The following ATP6V0A2 variants were observed in gnomAD, a reference collection of about 807,000 sequenced individuals.
The protein encoded by ATP6V0A2 is ATPase H+ transporting V0 subunit a2, also known as V-type proton ATPase 116 kDa subunit a 2.
A neutral mutation model predicts 104.4 loss-of-function variants in ATP6V0A2; 58 were observed. The ratio of observed to expected loss-of-function variants is 0.56; its 90% CI spans 0.45 to 0.69. The LOEUF (loss-of-function observed/expected upper bound fraction) is 0.69. ATP6V0A2 is among the 30% of genes least tolerant of loss of function. The pLI, the probability that ATP6V0A2 is intolerant of heterozygous loss-of-function variation, is 0.00. For missense variants in ATP6V0A2, 938 were observed against 1,062.9 expected (o/e 0.88, Z 1.63); for synonymous variants, 376 against 397.9 (o/e 0.95, Z 0.65).
Position 123,712,587 on chromosome 12 carries a change from G to A in ATP6V0A2, c.22G>A (p.Glu8Lys), listed in dbSNP as rs1483553812. 1.3e-6 allele frequency: 2 copies of A among 1,599,286 alleles called. No individual in the cohort carries two copies. Among genetic ancestry groups the A allele is most frequent in the Admixed American group, 1.7e-5 (1 of 58,610 alleles). The change falls in exon 1 of 20, where the codon GAG becomes AAG. Residue 8 changes from glutamate (E) to lysine (K), a missense_variant. Physicochemically the swap from Glu to Lys is moderately conservative, Grantham distance 56 (BLOSUM62 1). Coordinates refer to ENST00000330342, the MANE Select transcript of ATP6V0A2 (RefSeq NM_012463.4). MGSLFRS[E>K]TMCLAQLFLQ... is the part of the protein sequence containing the mutation. Reference sequence around the variant, plus strand: ...CGCCATGGGGTCCCTGTTCCGGAGCGAGACCATGTGCCTGGCGCAGCTCTT... The same window carrying A: ...CGCCATGGGGTCCCTGTTCCGGAGCAAGACCATGTGCCTGGCGCAGCTCTT...
At position 123,752,318 on chromosome 12, in the gene ATP6V0A2, A is replaced by G. The variant is rs1007072882; in HGVS notation, c.2091A>G (p.Glu697=). 6.8e-6 allele frequency: 11 copies of G among 1,614,108 alleles called. No individual in the cohort carries two copies. The highest frequency in any genetic ancestry group is 9.3e-6 in the Non-Finnish European group (11 of 1,180,030). Residue 697 remains glutamate (E), a synonymous_variant, in exon 17 of 20, where the codon GAA becomes GAG. Coordinates refer to ENST00000330342, the MANE Select transcript of ATP6V0A2 (RefSeq NM_012463.4). ...GYTLIRKDSE[E]EVSLLGSQDI... is the part of the protein sequence containing the mutation. ...CACTTATAAGGAAAGATAGTGAGGAAGAAGTTTCATTGCTGGGAAGCCAAG... is the reference window on the plus strand; with the variant it reads ...CACTTATAAGGAAAGATAGTGAGGAGGAAGTTTCATTGCTGGGAAGCCAAG...
intron 9 of ATP6V0A2, among the ~76,000 whole-genome samples, chr12:123,742,866 A>T (rs1197412492): frequency 6.6e-6 from 1 of 152,112 alleles, no homozygotes; most frequent in Non-Finnish European, 1.5e-5. Context: ...TTTTGACCAG[A>T]AAATCTACTA....
intron 9 of ATP6V0A2, among the ~76,000 whole-genome samples, chr12:123,737,928 A>G (rs1050399564): frequency 3.3e-5 from 5 of 151,858 alleles, no homozygotes; most frequent in African/African-American, 7.2e-5. Flanking sequence ...TGTGCATACC[A>G]TGGTTTATTT....
intron 18 of ATP6V0A2, chr12:123,756,209 GA>G (rs1482654580): frequency 6.6e-6 from 1 of 151,264 alleles, no homozygotes; most frequent in Non-Finnish European, 1.5e-5. Context: ...TTTTCCCATG[GA>G]TTAATAGGGA....
chr12:123,751,110 G>A lies in ATP6V0A2; in HGVS notation c.1936G>A (p.Glu646Lys). The A allele has an allele frequency of 6.2e-7, 1 of 1,614,152 alleles. No homozygotes were observed. The highest frequency in any genetic ancestry group is 2.2e-5 in the East Asian group (1 of 44,876). The change falls in exon 16 of 20, where the codon GAG becomes AAG. Residue 646 changes from glutamate (E) to lysine (K), a missense_variant and splice_region_variant. Glu to Lys is a moderately conservative substitution (Grantham distance 56). Coordinates refer to ENST00000330342, the MANE Select transcript of ATP6V0A2 (RefSeq NM_012463.4). ...GGTTTCTCACCTTCTGCACTAACAG[G>A]AGTATGTCCAGAGAGTGCTGCTGGT... The part of the protein sequence containing the change: ...SKTSGLYTGQ[E>K]YVQRVLLVVT...
At chr12:123,729,576 C>G (rs1956481387) in intron 6 of ATP6V0A2, among the ~76,000 whole-genome samples, 1 of 151,998 alleles carries the variant, frequency 6.6e-6, no homozygotes, top group Non-Finnish European at 1.5e-5. Context: ...CGGGGAGAGA[C>G]AGAGTCATAA....
intron 19 of ATP6V0A2, 25 bp from the exon 20 acceptor site, chr12:123,757,902 A>T: frequency 7.3e-7 from 1 of 1,379,174 alleles, no homozygotes; most frequent in Non-Finnish European, 1.0e-6. Context: ...ATCTTCCATT[A>T]ATACATGGCT....
At chr12:123,724,585 C>T in intron 3 of ATP6V0A2, 69 bp from the exon 4 acceptor site, 1 of 1,534,850 alleles carries the variant, frequency 6.5e-7, no homozygotes, top group Non-Finnish European at 9.0e-7. Flanking sequence ...TGGTATACTG[C>T]ATGAAGATTA....
At chr12:123,732,902 T>G (rs1319017646) in intron 6 of ATP6V0A2, 1 of 152,184 alleles carries the variant, frequency 6.6e-6, no homozygotes, top group Middle Eastern at 3.2e-3. Context: ...TCAGTTTTCT[T>G]CACTGCTGTA....
chr12:123,754,482 C>T lies in ATP6V0A2; in HGVS notation c.2238C>T (p.Cys746=), dbSNP rs138886791. 1.7e-3 allele frequency: 2,729 copies of T among 1,614,160 alleles called. 5 individuals carry two copies. The highest frequency in any genetic ancestry group is 6.9e-3 in the Middle Eastern group (42 of 6,062). ...VIHSIEYCLG[C]ISNTASYLRL... ...ATTCCATCGAGTACTGTCTGGGATG[C>T]ATCTCCAACACCGCCTCCTACCTGA... Residue 746 remains cysteine, a synonymous_variant, in exon 18 of 20, where the codon TGC becomes TGT. Coordinates refer to ENST00000330342, the MANE Select transcript of ATP6V0A2 (RefSeq NM_012463.4).
At chr12:123,712,746 G>T (rs1038264462) in intron 1 of ATP6V0A2, 64 bp downstream of exon 1, 9 of 1,380,576 alleles carry the variant, frequency 6.5e-6, no homozygotes, top group Non-Finnish European at 8.1e-6. Context: ...CCCGCGCATC[G>T]CTGGGGCCCT....
rs558580538 is a variant in ATP6V0A2, at chr12:123,713,079, G to C, written c.117+397G>C. Among the ~76,000 whole-genome samples, 6 of 152,214 alleles carry C rather than the reference G, an allele frequency of 3.9e-5. No homozygotes were observed. In the East Asian group the frequency reaches 7.7e-4, roughly 20 times the overall value. On this transcript the variant is annotated intron_variant, in intron 1 of 19. Transcript: ENST00000330342. ...AAGGTTTGCCATAAAGAAGAAACGG[G>C]GTGATGTGAAGGTGATTCGGGCGGG... is the stretch of plus-strand genomic sequence containing the variant.
chr12:123,728,031 C>A, intron 6 of ATP6V0A2, 122 bp downstream of exon 6: 1 of 1,266,438 alleles, frequency 7.9e-7, no homozygotes, highest in Non-Finnish European at 1.1e-6. Flanking sequence ...GATGCCTTAT[C>A]TCTTCAACCA....
At chr12:123,726,711 C>T (rs573154187) in intron 5 of ATP6V0A2, among the ~76,000 whole-genome samples, 2 of 152,232 alleles carry the variant, frequency 1.3e-5, no homozygotes, top group East Asian at 3.9e-4. Context: ...TTTGTTTCCT[C>T]GTGCGATTTG....
intron 4 of ATP6V0A2, among the ~76,000 whole-genome samples, chr12:123,725,630 T>C (rs745507019): frequency 6.6e-6 from 1 of 151,540 alleles, no homozygotes; most frequent in Non-Finnish European, 1.5e-5. Context: ...ATACAAAAAA[T>C]AAAAAATTAG....
In ATP6V0A2 at chr12:123,756,906, G is replaced by T. The variant is rs1434735806; in HGVS notation, c.2385G>T (p.Ala795=). ...TCTTGCTACTGCTCCCGGTTATCGC[G>T]CTCTTTGCAGTTTTGACCATTTTCA... ...YGVLLLLPVI[A]LFAVLTIFIL... The change falls in exon 19 of 20, where the codon GCG becomes GCT. Residue 795 remains alanine, a synonymous_variant. Transcript: ENST00000330342. The T allele has an allele frequency of 6.2e-7, 1 of 1,614,108 alleles. No individual in the cohort carries two copies. Among genetic ancestry groups the T allele is most frequent in the Non-Finnish European group, 8.5e-7 (1 of 1,180,022 alleles).
At chr12:123,745,274 A>G (rs1956650175) in intron 13 of ATP6V0A2, among the ~76,000 whole-genome samples, 1 of 152,200 alleles carries the variant, frequency 6.6e-6, no homozygotes, top group African/African-American at 2.4e-5. Context: ...AATGTGTGCC[A>G]TTTCCTACAT....
rs193006423 is a variant in ATP6V0A2, at chr12:123,752,316, G to A, written c.2089G>A (p.Glu697Lys). 6.2e-7 allele frequency: 1 copy of A among 1,614,168 alleles called. No individual in the cohort carries two copies. Among genetic ancestry groups the A allele is most frequent in the African/African-American group, 1.3e-5 (1 of 75,050 alleles). The change falls in exon 17 of 20, where the codon GAA becomes AAA. Residue 697 changes from glutamate to lysine, a missense_variant. Transcript: ENST00000330342. ...CACACTTATAAGGAAAGATAGTGAG[G>A]AAGAAGTTTCATTGCTGGGAAGCCA... ...GYTLIRKDSE[E>K]EVSLLGSQDI...
intron 9 of ATP6V0A2, 111 bp from the exon 10 acceptor site, chr12:123,743,674 A>G (rs1566286426): frequency 7.9e-7 from 1 of 1,270,940 alleles, no homozygotes; most frequent in African/African-American, 1.5e-5. Context: ...AAAACAAAAC[A>G]ACACCACCAA....
Sources: gnomAD v4.1 joint callset for allele counts (sites outside exome capture counted in the v4.1 genomes callset) on GRCh38, gnomAD v4.1.1 for gene constraint, MANE v1.5 for transcripts, NCBI Gene and HGNC (gene_info 2026-07-23, HGNC 2026-07-21) for gene names.